AFG1L: variants seen among roughly 807,000 people sequenced by gnomAD.
AFG1L encodes the protein AFG1-like ATPase.
AFG1L carries 53 observed loss-of-function variants against 62.2 expected under a neutral mutation model. The ratio of observed to expected loss-of-function variants is 0.85; its 90% CI spans 0.68 to 1.07. The LOEUF (loss-of-function observed/expected upper bound fraction) is 1.07. Among genes scored for constraint, AFG1L ranks in the 50% least tolerant of loss-of-function variants. AFG1L has a pLI of 0.00. For synonymous variants in AFG1L, 228 were observed against 210.3 expected (o/e 1.08, Z -0.73); for missense variants, 555 against 590.5 (o/e 0.94, Z 0.62).
chr6:108,425,298 C>T (rs752791641), intron 7 of AFG1L, among the ~76,000 whole-genome samples: 1 of 152,110 alleles, frequency 6.6e-6, no homozygotes, highest in East Asian at 1.9e-4. Flanking sequence ...GATGGTTGTT[C>T]ACACTTTTTA....
chr6:108,305,524 C>T (rs1777168909), intron 1 of AFG1L, among the ~76,000 whole-genome samples: 1 of 152,138 alleles, frequency 6.6e-6, no homozygotes, highest in African/African-American at 2.4e-5. Context: ...GCTGGGACCA[C>T]AGGCACAAGC....
Position 108,525,257 on chromosome 6 carries a change from A to C in AFG1L, c.*2832A>C, listed in dbSNP as rs1394784610. ...TTTAGAGAAGAAAAAGAAAAATCTT[A>C]TCACTTCTCATATTTCTTTAGGCAG... On this transcript the variant is annotated 3_prime_UTR_variant, in exon 13 of 13. Transcript: ENST00000368977. 6.6e-6 allele frequency: 1 copy of C among 152,202 alleles called. No homozygotes were observed. Among genetic ancestry groups the C allele is most frequent in the East Asian group, 1.9e-4 (1 of 5,194 alleles). 9.4% of individuals were successfully genotyped at this position (152,202 alleles called of 1,614,324 possible).
intron 2 of AFG1L, among the ~76,000 whole-genome samples, chr6:108,328,618 G>T (rs577681898): frequency 6.6e-6 from 1 of 151,604 alleles, no homozygotes; most frequent in Non-Finnish European, 1.5e-5. Flanking sequence ...GTCCAGGCTG[G>T]TCTTGAACTC....
At chr6:108,394,570 A>G (rs1459001877) in intron 6 of AFG1L, among the ~76,000 whole-genome samples, 2 of 152,200 alleles carry the variant, frequency 1.3e-5, no homozygotes, top group African/African-American at 2.4e-5. Flanking sequence ...ATGGAGTCAC[A>G]TAGTATGTAC....
At chr6:108,398,994 T>G (rs771038899) in intron 6 of AFG1L, among the ~76,000 whole-genome samples, 6 of 152,122 alleles carry the variant, frequency 3.9e-5, no homozygotes, top group Non-Finnish European at 7.4e-5. Context: ...AATGGCATTG[T>G]GACTTTGGTG....
chr6:108,472,521 AT>A (rs933875875), intron 8 of AFG1L, among the ~76,000 whole-genome samples: 4 of 152,174 alleles, frequency 2.6e-5, no homozygotes, highest in African/African-American at 4.8e-5. Context: ...AGTTTAAAAT[AT>A]TTTTTTAAAC....
At chr6:108,485,430 T>C (rs1471004961) in intron 10 of AFG1L, among the ~76,000 whole-genome samples, 1 of 151,312 alleles carries the variant, frequency 6.6e-6, no homozygotes, top group African/African-American at 2.4e-5. Context: ...ACTTTCAATA[T>C]GTTCTCCATA....
At chr6:108,325,973 T>C (rs1778027443) in intron 2 of AFG1L, among the ~76,000 whole-genome samples, 1 of 151,812 alleles carries the variant, frequency 6.6e-6, no homozygotes, top group Non-Finnish European at 1.5e-5. Context: ...GATGGGGTTT[T>C]GCCATACTGG....
At position 108,297,760 on chromosome 6, in the gene AFG1L, T is replaced by G. The variant is rs1228192501; in HGVS notation, c.139+2542T>G. On this transcript the variant is annotated intron_variant, in intron 1 of 12. Coordinates refer to ENST00000368977, the MANE Select transcript of AFG1L (RefSeq NM_145315.5). ...GTCCCAGCTACTTGGGAGGCTGAGG[T>G]GGGAGGATCACTTGAGCCCAGGAAG... Among the ~76,000 whole-genome samples, 3 of 144,444 alleles carry G rather than the reference T, an allele frequency of 2.1e-5. No individual in the cohort carries two copies. The East Asian group carries it at 6.2e-4, about 30-fold the overall frequency. The allele number at this position is 144,444 out of a possible 152,430, so 94.8% of individuals were successfully genotyped here. A position where few individuals can be genotyped will look rare whatever the true frequency, so the allele number is the denominator to read the frequency against.
intron 10 of AFG1L, among the ~76,000 whole-genome samples, chr6:108,480,572 C>T (rs1025635678): frequency 2.0e-5 from 3 of 152,032 alleles, no homozygotes; most frequent in Non-Finnish European, 2.9e-5. Flanking sequence ...CCGAGGCAGG[C>T]GGATCACATG....
chr6:108,434,349 C>T lies in AFG1L; in HGVS notation c.808-12865C>T, dbSNP rs543475238. Among the ~76,000 whole-genome samples, 12 of 152,244 alleles carry T rather than the reference C, an allele frequency of 7.9e-5. 1 individual carries two copies. The highest frequency in any genetic ancestry group is 2.9e-4 in the African/African-American group (12 of 41,550). On this transcript the variant is annotated intron_variant, in intron 7 of 12. Transcript: ENST00000368977. ...AAGATCCTCAAATTCACCATGCCAC[C>T]GAACTGAATGATCCTCTCCCCCACT...
intron 1 of AFG1L, among the ~76,000 whole-genome samples, chr6:108,309,098 G>GGAA (rs1777311674): frequency 1.3e-5 from 2 of 152,096 alleles, no homozygotes; most frequent in African/African-American, 4.8e-5. Flanking sequence ...GGTCACGAAG[G>GGAA]TATTTTCATA....
chr6:108,408,812 G>T (rs569084522), intron 7 of AFG1L, among the ~76,000 whole-genome samples: 3 of 152,188 alleles, frequency 2.0e-5, no homozygotes, highest in African/African-American at 7.2e-5. Flanking sequence ...AGGAAAAGAA[G>T]ATCAGGTTTT....
At chr6:108,520,644 T>G (rs1310505447) in intron 12 of AFG1L, 1 of 152,218 alleles carries the variant, frequency 6.6e-6, no homozygotes, top group Non-Finnish European at 1.5e-5. Flanking sequence ...AAATGAGGCA[T>G]TTTCAGGAGT....
intron 2 of AFG1L, among the ~76,000 whole-genome samples, chr6:108,338,214 T>C (rs1426259709): frequency 6.6e-6 from 1 of 152,188 alleles, no homozygotes; most frequent in African/African-American, 2.4e-5. Context: ...TTTTGGACTT[T>C]GGAGTCAGAT....
At chr6:108,512,067 T>A (rs891691006) in intron 11 of AFG1L, among the ~76,000 whole-genome samples, 8 of 152,176 alleles carry the variant, frequency 5.3e-5, no homozygotes, top group Non-Finnish European at 1.2e-4. Flanking sequence ...GGCAGAACCA[T>A]GTGGCCTACT....
At chr6:108,449,814 A>G (rs1247553400) in intron 8 of AFG1L, among the ~76,000 whole-genome samples, 4 of 151,884 alleles carry the variant, frequency 2.6e-5, no homozygotes, top group Admixed American at 1.3e-4. Flanking sequence ...ATGTGTTCTC[A>G]TTGTTCAATT....
At chr6:108,438,848 A>G (rs555829858) in intron 7 of AFG1L, among the ~76,000 whole-genome samples, 38 of 152,304 alleles carry the variant, frequency 2.5e-4, no homozygotes, top group African/African-American at 8.7e-4. Flanking sequence ...TAGGGTAGCT[A>G]GGGAAAGAGG....
In AFG1L at chr6:108,348,709, C is replaced by T. The variant is rs531975046; in HGVS notation, c.415+1670C>T. ...ACTTGATCAATTTTATGTTCCTGCACCTTTGGGCACCATTAATGATTCTCA... is the reference window on the plus strand; with the variant it reads ...ACTTGATCAATTTTATGTTCCTGCATCTTTGGGCACCATTAATGATTCTCA... On this transcript the variant is annotated intron_variant, in intron 3 of 12. Coordinates refer to ENST00000368977, the MANE Select transcript of AFG1L (RefSeq NM_145315.5). Among the ~76,000 whole-genome samples, 7 of 152,288 alleles carry T rather than the reference C, an allele frequency of 4.6e-5. No individual in the cohort carries two copies. In the South Asian group the frequency reaches 1.2e-3, roughly 27 times the overall value.
Sources: gnomAD v4.1 joint callset for allele counts (sites outside exome capture counted in the v4.1 genomes callset) on GRCh38, gnomAD v4.1.1 for gene constraint, MANE v1.5 for transcripts, NCBI Gene and HGNC (gene_info 2026-07-23, HGNC 2026-07-21) for gene names.